Variants in UBTD2 observed in about 807,000 individuals in gnomAD.
UBTD2 encodes the protein ubiquitin domain-containing protein 2.
A neutral mutation model predicts 19.8 loss-of-function variants in UBTD2; 9 were observed. The observed-to-expected ratio is 0.46, with a 90% CI of 0.27 to 0.79. The LOEUF (loss-of-function observed/expected upper bound fraction) is 0.79, where lower values mean the gene tolerates loss of function less well. Ranked by LOEUF, UBTD2 falls within the 30% of genes least tolerant of loss-of-function variation. UBTD2 has a pLI of 0.14. For synonymous variants in UBTD2, 98 were observed against 103.9 expected, an observed-to-expected ratio of 0.94 and a Z score of 0.35; for missense variants, 250 against 300.4, an observed-to-expected ratio of 0.83 and a Z score of 1.24.
chr5:172,273,999 G>GA (rs765903648), intron 1 of UBTD2, among the ~76,000 whole-genome samples: 1 of 151,960 alleles, frequency 6.6e-6, no homozygotes, highest in East Asian at 1.9e-4. Flanking sequence ...AAAGTGGTAT[G>GA]AAATTTTAGG....
rs1276485420 is a variant in UBTD2, at chr5:172,210,264, T to C, written c.*1566A>G. ...AGGCAATAGGAAATTCAATACCATTTAAACATTACATTTAAACTAATTAGC... is the reference window on the plus strand; with the variant it reads ...AGGCAATAGGAAATTCAATACCATTCAAACATTACATTTAAACTAATTAGC... On this transcript the variant is annotated 3_prime_UTR_variant, in exon 3 of 3. Coordinates refer to ENST00000393792, the MANE Select transcript of UBTD2 (RefSeq NM_152277.3). The C allele has an allele frequency of 6.6e-6, 1 of 152,254 alleles. No individual in the cohort carries two copies. The highest frequency in any genetic ancestry group is 1.9e-4 in the East Asian group (1 of 5,206). The allele number at this position is 152,254 out of a possible 1,614,324, so 9.4% of individuals were successfully genotyped here. A position where few individuals can be genotyped will look rare whatever the true frequency, so the allele number is the denominator to read the frequency against.
chr5:172,218,974 G>A (rs1771602392), intron 2 of UBTD2, among the ~76,000 whole-genome samples: 1 of 151,900 alleles, frequency 6.6e-6, no homozygotes, highest in Non-Finnish European at 1.5e-5. Flanking sequence ...AGATCCCACA[G>A]ATGTTGAAAG....
chr5:172,237,525 ACT>A (rs1772037244), intron 1 of UBTD2, among the ~76,000 whole-genome samples: 1 of 152,246 alleles, frequency 6.6e-6, no homozygotes, highest in Non-Finnish European at 1.5e-5. Flanking sequence ...TAGAATGTCC[ACT>A]GTTAAAAAAT....
At chr5:172,241,660 A>C (rs1772129974) in intron 1 of UBTD2, among the ~76,000 whole-genome samples, 2 of 152,094 alleles carry the variant, frequency 1.3e-5, no homozygotes, top group African/African-American at 2.4e-5. Flanking sequence ...TCTATAATTG[A>C]AAGTATAAGG....
intron 1 of UBTD2, among the ~76,000 whole-genome samples, chr5:172,281,883 G>A (rs2113149766): frequency 6.6e-6 from 1 of 152,156 alleles, no homozygotes; most frequent in Non-Finnish European, 1.5e-5. Flanking sequence ...CAGAGCTTAC[G>A]GTCCAGAGAA....
chr5:172,246,441 CTTTT>C (rs36037402), intron 1 of UBTD2, among the ~76,000 whole-genome samples: 30 of 85,090 alleles, frequency 3.5e-4, no homozygotes, highest in African/African-American at 1.3e-3. Flanking sequence ...ATTGAGATTG[CTTTT>C]TTTTTTTTTT....
chr5:172,221,901 C>A (rs1338174452), intron 2 of UBTD2, among the ~76,000 whole-genome samples: 5 of 152,046 alleles, frequency 3.3e-5, no homozygotes, highest in African/African-American at 1.2e-4. Context: ...AACAAATGAA[C>A]TACTCTAATG....
intron 1 of UBTD2, among the ~76,000 whole-genome samples, chr5:172,247,058 A>G (rs1471989556): frequency 6.6e-6 from 1 of 151,886 alleles, no homozygotes; most frequent in Admixed American, 6.6e-5. Flanking sequence ...CCGGCCCAAG[A>G]TTGCAGTTTT....
At chr5:172,245,492 G>C (rs1211241191) in intron 1 of UBTD2, among the ~76,000 whole-genome samples, 1 of 152,120 alleles carries the variant, frequency 6.6e-6, no homozygotes, top group African/African-American at 2.4e-5. Context: ...ACAGGCGACT[G>C]CTTGAGCTCA....
At chr5:172,271,481 G>A (rs1169178073) in intron 1 of UBTD2, among the ~76,000 whole-genome samples, 1 of 150,428 alleles carries the variant, frequency 6.6e-6, no homozygotes, top group East Asian at 1.9e-4. Context: ...TTTCAGTGAT[G>A]CTTTCTGACC....
At chr5:172,237,726 T>G (rs1054228064) in intron 1 of UBTD2, among the ~76,000 whole-genome samples, 45 of 152,308 alleles carry the variant, frequency 3.0e-4, no homozygotes, top group Admixed American at 9.2e-4. Flanking sequence ...ATGAAAATAT[T>G]TAGGTTTGTT....
chr5:172,216,547 G>GT (rs2113873065), intron 2 of UBTD2, among the ~76,000 whole-genome samples: 1 of 121,132 alleles, frequency 8.3e-6, no homozygotes, highest in South Asian at 3.0e-4. Flanking sequence ...GAGCCCATGA[G>GT]TTTGAGGCCA....
intron 1 of UBTD2, among the ~76,000 whole-genome samples, chr5:172,256,556 T>C (rs960875174): frequency 3.3e-5 from 5 of 149,760 alleles, no homozygotes; most frequent in Non-Finnish European, 7.4e-5. Flanking sequence ...TTAGTAGACA[T>C]GTGGTTTTGC....
At chr5:172,274,584 C>T (rs1046904723) in intron 1 of UBTD2, among the ~76,000 whole-genome samples, 2 of 152,146 alleles carry the variant, frequency 1.3e-5, no homozygotes, top group African/African-American at 4.8e-5. Flanking sequence ...GAAAGTCTTA[C>T]AGAGAATGTG....
intron 1 of UBTD2, among the ~76,000 whole-genome samples, chr5:172,244,350 G>A (rs1419401449): frequency 6.9e-6 from 1 of 144,558 alleles, no homozygotes; most frequent in Non-Finnish European, 1.5e-5. Context: ...AGGCTGGAGT[G>A]CAGTGGCACA....
At position 172,246,751 on chromosome 5, in the gene UBTD2, C is replaced by CTTTTTTTTT. The variant is rs70982379; in HGVS notation, c.71-12402_71-12394dup. Among the ~76,000 whole-genome samples, 4 of 62,496 alleles carry CTTTTTTTTT rather than the reference C, an allele frequency of 6.4e-5. 1 individual carries two copies. Among genetic ancestry groups the CTTTTTTTTT allele is most frequent in the Non-Finnish European group, 1.1e-4 (4 of 35,488 alleles). The allele number at this position is 62,496 out of a possible 152,430, so 41.0% of individuals were successfully genotyped here. On this transcript the variant is annotated intron_variant, in intron 1 of 2. Coordinates refer to ENST00000393792, the MANE Select transcript of UBTD2 (RefSeq NM_152277.3). ...GAGCCACCACGCCCAGCCGAGATTG[C>CTTTTTTTTT]TTTTTTTTTTTTTTTTTTTTTTTTT...
intron 1 of UBTD2, among the ~76,000 whole-genome samples, chr5:172,239,839 G>A (rs1772091413): frequency 6.6e-6 from 1 of 151,750 alleles, no homozygotes; most frequent in Non-Finnish European, 1.5e-5. Flanking sequence ...GGGAGGCAGA[G>A]ATTGCAGTGA....
chr5:172,212,237 G>A lies in UBTD2; in HGVS notation c.308-10C>T. The A allele has an allele frequency of 6.4e-7, 1 of 1,573,380 alleles. No individual in the cohort carries two copies. Among genetic ancestry groups the A allele is most frequent in the African/African-American group, 1.4e-5 (1 of 73,478 alleles). On this transcript the variant is annotated splice_polypyrimidine_tract_variant and intron_variant, in intron 2 of 2. Coordinates refer to ENST00000393792, the MANE Select transcript of UBTD2 (RefSeq NM_152277.3). Reference sequence around the variant, plus strand: ...CACTCTGTAAGTGCACCTTCAGAAAGAGAAGATATGAATAAGAACTTAATC... The same window carrying A: ...CACTCTGTAAGTGCACCTTCAGAAAAAGAAGATATGAATAAGAACTTAATC...
At position 172,234,163 on chromosome 5, in the gene UBTD2, G is replaced by T; in HGVS notation, c.266C>A (p.Ala89Glu). 1 of 1,614,122 alleles carries T rather than the reference G, an allele frequency of 6.2e-7. No homozygotes were observed. Among genetic ancestry groups the T allele is most frequent in the Non-Finnish European group, 8.5e-7 (1 of 1,180,028 alleles). ...HAFESNDHELAQAIIDGANIT... is the reference protein window; with the variant it reads ...HAFESNDHELEQAIIDGANIT... ...GTTTGCACCATCAATGATTGCTTGT[G>T]CCAGTTCATGATCATTGCTCTCAAA... The change falls in exon 2 of 3, where the codon GCA becomes GAA. Residue 89 changes from alanine to glutamate, a missense_variant. Physicochemically the swap from Ala to Glu is moderately radical, Grantham distance 107 (BLOSUM62 -1). Transcript: ENST00000393792.
Sources: gnomAD v4.1 joint callset for allele counts (sites outside exome capture counted in the v4.1 genomes callset) on GRCh38, gnomAD v4.1.1 for gene constraint, MANE v1.5 for transcripts, NCBI Gene and HGNC (gene_info 2026-07-23, HGNC 2026-07-21) for gene names.